The following PARD6G variants were observed in gnomAD, a reference collection of about 807,000 sequenced individuals.
PARD6G encodes the protein par-6 family cell polarity regulator gamma, also known as partitioning defective 6 homolog gamma.
Under a neutral mutation model 10.7 loss-of-function variants are expected in PARD6G, and 7 were observed. The ratio of observed to expected loss-of-function variants is 0.66; its 90% CI spans 0.37 to 1.23. The LOEUF (loss-of-function observed/expected upper bound fraction) is 1.23, where lower values mean the gene tolerates loss of function less well. PARD6G is among the 50% of genes most tolerant of loss of function. The pLI is 0.02. For missense variants in PARD6G, 548 were observed against 571.8 expected, an observed-to-expected ratio of 0.96 and a Z score of 0.42; for synonymous variants, 287 against 269.4, an observed-to-expected ratio of 1.07 and a Z score of -0.64.
Position 80,180,346 on chromosome 18 carries a change from G to A in PARD6G, c.296-19740C>T, listed in dbSNP as rs2052841946. On this transcript the variant is annotated intron_variant, in intron 2 of 2. Transcript: ENST00000353265. The surrounding 1 kb of genome is among the most constrained non-coding windows in gnomAD (Gnocchi z 5.6). ...GCGACAGCTGGGGCCGGCAGGTGAG[G>A]ACACGCAGCTGGGAGGGGCGCAGCC... Among the ~76,000 whole-genome samples the A allele has an allele frequency of 1.3e-5, 2 of 152,206 alleles. No homozygotes were observed. The highest frequency in any genetic ancestry group is 2.9e-5 in the Non-Finnish European group (2 of 68,010).
rs780833072 is a variant in PARD6G, at chr18:80,183,511, C to G, written c.295+19199G>C. The stretch of plus-strand genomic sequence containing the variant: ...AGGCTCAGCACGTGATCCTGCCGGT[C>G]GTACACACAGCCCCAGCTCGAGCAC... On this transcript the variant is annotated intron_variant, in intron 2 of 2. Coordinates refer to ENST00000353265, the MANE Select transcript of PARD6G (RefSeq NM_032510.4). This position sits in a 1 kb window ranked among gnomAD's most constrained non-coding sequence, Gnocchi z 4.5. Among the ~76,000 whole-genome samples the G allele has an allele frequency of 6.6e-6, 1 of 152,094 alleles. No homozygotes were observed. The highest frequency in any genetic ancestry group is 6.5e-5 in the Admixed American group (1 of 15,286).
chr18:80,222,914 A>T (rs541015556), intron 1 of PARD6G, among the ~76,000 whole-genome samples: 2 of 152,190 alleles, frequency 1.3e-5, no homozygotes, highest in Non-Finnish European at 2.9e-5. Context: ...GGACTCAAGC[A>T]ATCCACCTGC....
In PARD6G at chr18:80,209,411, T is replaced by C. The variant is rs569667076; in HGVS notation, c.73-6479A>G. The stretch of plus-strand genomic sequence containing the variant: ...CTATTTTGTAGTTGACCCCAACTAT[T>C]ATTCCTACAACAGGATAGTAAAAAA... On this transcript the variant is annotated intron_variant, in intron 1 of 2. Coordinates refer to ENST00000353265, the MANE Select transcript of PARD6G (RefSeq NM_032510.4). 2.0e-5 allele frequency among the ~76,000 whole-genome samples: 3 copies of C among 152,356 alleles called. No homozygotes were observed. The East Asian group carries it at 5.8e-4, about 29-fold the overall frequency.
chr18:80,207,467 C>T (rs34494461), intron 1 of PARD6G, among the ~76,000 whole-genome samples: 28,645 of 151,244 alleles, frequency 0.19, 2,900 homozygotes, highest in Middle Eastern at 0.29. Flanking sequence ...TTAATGTAAA[C>T]GAAAGATTCT....
At chr18:80,229,705 A>G (rs541180357) in intron 1 of PARD6G, among the ~76,000 whole-genome samples, 1 of 152,338 alleles carries the variant, frequency 6.6e-6, no homozygotes, top group African/African-American at 2.4e-5. Flanking sequence ...CAAATATGTA[A>G]TTGCAAACTC....
At chr18:80,194,806 C>T (rs754576491) in intron 2 of PARD6G, among the ~76,000 whole-genome samples, 1 of 152,062 alleles carries the variant, frequency 6.6e-6, no homozygotes, top group African/African-American at 2.4e-5. Flanking sequence ...GGAAATGATA[C>T]CCATGGGAAC....
intron 2 of PARD6G, among the ~76,000 whole-genome samples, chr18:80,173,633 A>G (rs559011660): frequency 2.6e-4 from 39 of 147,928 alleles, no homozygotes; most frequent in African/African-American, 7.2e-4. Flanking sequence ...TAAAAAAAAA[A>G]GGGGGCAAAC....
At position 80,181,043 on chromosome 18, in the gene PARD6G, A is replaced by G. The variant is rs2052846084; in HGVS notation, c.296-20437T>C. Among the ~76,000 whole-genome samples, 1 of 152,162 alleles carries G rather than the reference A, an allele frequency of 6.6e-6. No homozygotes were observed. Among genetic ancestry groups the G allele is most frequent in the Non-Finnish European group, 1.5e-5 (1 of 67,998 alleles). Reference sequence around the variant, plus strand: ...GGGCTGGAAGGCGGCTCCTACAGTCAGGCTGTTCAAAGGTCTGAACCTCAC... The same window carrying G: ...GGGCTGGAAGGCGGCTCCTACAGTCGGGCTGTTCAAAGGTCTGAACCTCAC... On this transcript the variant is annotated intron_variant, in intron 2 of 2. Transcript: ENST00000353265. The surrounding 1 kb of genome is among the most constrained non-coding windows in gnomAD (Gnocchi z 7.9).
In PARD6G at chr18:80,160,191, G is replaced by A. The variant is rs199834037; in HGVS notation, c.711C>T (p.Ile237=). The A allele has an allele frequency of 9.9e-5, 160 of 1,613,234 alleles. 1 individual carries two copies. In the South Asian group the frequency reaches 1.6e-3, roughly 16 times the overall value. ...KTLDQVTDMM[I]ANSHNLIVTV... ...TGACGATGAGGTTGTGGCTGTTGGC[G>A]ATCATCATGTCCGTGACCTGGTCCA... is the stretch of plus-strand genomic sequence containing the variant. Residue 237 remains isoleucine, a synonymous_variant, in exon 3 of 3, where the codon ATC becomes ATT. Transcript: ENST00000353265.
rs573689312 is a variant in PARD6G, at chr18:80,226,363, G to A, written c.72+20914C>T. ...TTTTGCATTTTTAGTAGAGACGGGG[G>A]TTCCTCCATGTTGGTCAGGCTGGTC... On this transcript the variant is annotated intron_variant, in intron 1 of 2. Transcript: ENST00000353265. Among the ~76,000 whole-genome samples, 7 of 151,868 alleles carry A rather than the reference G, an allele frequency of 4.6e-5. No homozygotes were observed. The South Asian group carries it at 1.5e-3, about 32-fold the overall frequency.
intron 1 of PARD6G, among the ~76,000 whole-genome samples, chr18:80,232,669 C>G (rs1329430356): frequency 1.3e-5 from 2 of 151,586 alleles, no homozygotes; most frequent in Non-Finnish European, 2.9e-5. Flanking sequence ...GAGTACAATT[C>G]AAGATGAGAT....
At chr18:80,232,367 T>C (rs1967367615) in intron 1 of PARD6G, among the ~76,000 whole-genome samples, 1 of 152,008 alleles carries the variant, frequency 6.6e-6, no homozygotes, top group Middle Eastern at 3.2e-3. Context: ...TATTAGTCCG[T>C]TTTCACGCTG....
chr18:80,226,487 T>G (rs1337396429), intron 1 of PARD6G, among the ~76,000 whole-genome samples: 1 of 152,194 alleles, frequency 6.6e-6, no homozygotes, highest in Non-Finnish European at 1.5e-5. Flanking sequence ...TCTAGAGATA[T>G]CTTATGCATA....
At chr18:80,163,070 A>G (rs958628215) in intron 2 of PARD6G, among the ~76,000 whole-genome samples, 1 of 152,158 alleles carries the variant, frequency 6.6e-6, no homozygotes, top group African/African-American at 2.4e-5. Flanking sequence ...GCTTTCCATG[A>G]TACGGGCTCT....
intron 2 of PARD6G, among the ~76,000 whole-genome samples, chr18:80,199,087 A>G (rs1472468848): frequency 6.6e-6 from 1 of 152,170 alleles, no homozygotes; most frequent in East Asian, 1.9e-4. Context: ...TTCACATTAC[A>G]GAGGATTCTT....
Position 80,160,290 on chromosome 18 carries a change from C to T in PARD6G, c.612G>A (p.Ala204=), listed in dbSNP as rs769340015. The change falls in exon 3 of 3, where the codon GCG becomes GCA. Residue 204 remains alanine, a synonymous_variant. Transcript: ENST00000353265. ...TCACAGCCAGCAGCCCGGTGCTCTC[C>T]GCCAGGCCCCCGGGTACCATGCGCG... ...FISRMVPGGL[A]ESTGLLAVND... 37 of 1,612,348 alleles carry T rather than the reference C, an allele frequency of 2.3e-5. No individual in the cohort carries two copies. Among genetic ancestry groups the T allele is most frequent in the Admixed American group, 3.3e-5 (2 of 60,012 alleles).
Position 80,247,340 on chromosome 18 carries a change from T to G in PARD6G, c.9A>C (p.Arg3=). 1 of 1,574,552 alleles carries G rather than the reference T, an allele frequency of 6.4e-7. No homozygotes were observed. Among genetic ancestry groups the G allele is most frequent in the South Asian group, 1.1e-5 (1 of 87,404 alleles). The change falls in exon 1 of 3, where the codon CGA becomes CGC. Residue 3 remains arginine (R), a synonymous_variant. Transcript: ENST00000353265. The surrounding 1 kb of genome is among the most constrained non-coding windows in gnomAD (Gnocchi z 4.2). MN[R]SFHKSQTLRF... Reference sequence around the variant, plus strand: ...GCAAGGTCTGAGACTTGTGAAAACTTCGGTTCATGGTTTCGGCCCCGGTCA... The same window carrying G: ...GCAAGGTCTGAGACTTGTGAAAACTGCGGTTCATGGTTTCGGCCCCGGTCA...
chr18:80,247,239 AC>A lies in PARD6G; in HGVS notation c.72+37del, dbSNP rs761725510. ...GGGCGCCCCATTCATTAGCCAGGAG[AC>A]TGGGCGCAGGGCCGCCGGGGCGGGC... On this transcript the variant is annotated intron_variant, in intron 1 of 2. Coordinates refer to ENST00000353265, the MANE Select transcript of PARD6G (RefSeq NM_032510.4). This position sits in a 1 kb window ranked among gnomAD's most constrained non-coding sequence, Gnocchi z 4.2. 3 of 1,524,774 alleles carry A rather than the reference AC, an allele frequency of 2.0e-6. No homozygotes were observed. Among genetic ancestry groups the A allele is most frequent in the Non-Finnish European group, 2.7e-6 (3 of 1,123,432 alleles). The allele number at this position is 1,524,774 out of a possible 1,614,324, so 94.5% of individuals were successfully genotyped here.
chr18:80,224,741 G>T (rs972347634), intron 1 of PARD6G, among the ~76,000 whole-genome samples: 1 of 152,122 alleles, frequency 6.6e-6, no homozygotes, highest in Non-Finnish European at 1.5e-5. Flanking sequence ...CAGCTACTTG[G>T]GAGGCTGAGG....
Sources: gnomAD v4.1 joint callset for allele counts (sites outside exome capture counted in the v4.1 genomes callset) on GRCh38, gnomAD v4.1.1 for gene constraint, Gnocchi (gnomAD v3.1) non-coding constraint, MANE v1.5 for transcripts, NCBI Gene and HGNC (gene_info 2026-07-23, HGNC 2026-07-21) for gene names.